Variants in RFX4 observed in about 807,000 individuals in gnomAD.
The protein encoded by RFX4 is transcription factor RFX4.
In RFX4, 10 loss-of-function variants were observed where a neutral mutation model predicts 95.0. The ratio of observed to expected loss-of-function variants is 0.11; its 90% CI spans 0.06 to 0.18. The LOEUF is 0.18. Among genes scored for constraint, RFX4 ranks in the 10% least tolerant of loss-of-function variants. The pLI, the probability that RFX4 is intolerant of heterozygous loss-of-function variation, is 1.00. For missense variants in RFX4, 640 were observed against 922.0 expected, an observed-to-expected ratio of 0.69 and a Z score of 3.96; for synonymous variants, 321 against 340.7, an observed-to-expected ratio of 0.94 and a Z score of 0.64.
chr12:106,641,429 ATGGGGT>A (rs958324005), intron 3 of RFX4, among the ~76,000 whole-genome samples: 1 of 152,182 alleles, frequency 6.6e-6, no homozygotes, highest in Admixed American at 6.5e-5. Flanking sequence ...AGCACCTGGC[ATGGGGT>A]GGGGCTCAGT....
chr12:106,611,802 T>C (rs960702724), intron 2 of RFX4, among the ~76,000 whole-genome samples: 2 of 152,168 alleles, frequency 1.3e-5, no homozygotes, highest in Non-Finnish European at 2.9e-5. Flanking sequence ...TGAGCCACTG[T>C]GCCTGCTGTA....
chr12:106,626,276 A>G (rs1377844113), intron 2 of RFX4, among the ~76,000 whole-genome samples: 1 of 152,212 alleles, frequency 6.6e-6, no homozygotes, highest in African/African-American at 2.4e-5. Context: ...GGGAGAGGTC[A>G]CAAGATTGAA....
rs1471326929 is a variant in RFX4 at position 106,586,709 on chromosome 12, C to T, written c.43+3346C>T. Among the ~76,000 whole-genome samples the T allele has an allele frequency of 6.6e-6, 1 of 152,186 alleles. No homozygotes were observed. The highest frequency in any genetic ancestry group is 6.5e-5 in the Admixed American group (1 of 15,290). On this transcript the variant is annotated intron_variant, in intron 1 of 17. Transcript: ENST00000392842. The surrounding 1 kb of genome is among the most constrained non-coding windows in gnomAD (Gnocchi z 5.6). ...GGCACGCTAGTTTACAGGCCCCCAG[C>T]TCAGCACAAATTCTTTCTAAAATTC... is the stretch of plus-strand genomic sequence containing the variant.
chr12:106,613,236 T>C (rs2039997789), intron 2 of RFX4, among the ~76,000 whole-genome samples: 1 of 144,350 alleles, frequency 6.9e-6, no homozygotes, highest in African/African-American at 2.6e-5. Context: ...CAATATAATG[T>C]ATTTATTGAT....
chr12:106,628,468 T>A (rs1468095011), intron 2 of RFX4, among the ~76,000 whole-genome samples: 1 of 152,208 alleles, frequency 6.6e-6, no homozygotes, highest in Non-Finnish European at 1.5e-5. Flanking sequence ...GCTTCCAGTT[T>A]TTGGCACTCC....
chr12:106,689,528 G>A (rs959477018), intron 7 of RFX4, among the ~76,000 whole-genome samples, 164 bp downstream of exon 7: 7 of 152,138 alleles, frequency 4.6e-5, no homozygotes, highest in Admixed American at 4.6e-4. Flanking sequence ...AAGCAGGTAC[G>A]ATTATTATCC....
At chr12:106,738,836 T>G (rs1362560062) in intron 15 of RFX4, among the ~76,000 whole-genome samples, 7 of 152,184 alleles carry the variant, frequency 4.6e-5, no homozygotes, top group Non-Finnish European at 1.0e-4. Context: ...CACAAACTAT[T>G]TACCCATGCT....
intron 5 of RFX4, among the ~76,000 whole-genome samples, chr12:106,686,082 T>C (rs1343493953): frequency 6.6e-6 from 1 of 152,222 alleles, no homozygotes; most frequent in Non-Finnish European, 1.5e-5. Context: ...TTTTTAAAAA[T>C]ACAGTTCTTT....
At chr12:106,628,828 C>T (rs544450258) in intron 2 of RFX4, among the ~76,000 whole-genome samples, 3 of 149,156 alleles carry the variant, frequency 2.0e-5, no homozygotes, top group Non-Finnish European at 3.0e-5. Flanking sequence ...GGTGCCATCT[C>T]GGCTCACTGC....
At chr12:106,726,013 G>A (rs2042488527) in intron 13 of RFX4, among the ~76,000 whole-genome samples, 1 of 152,138 alleles carries the variant, frequency 6.6e-6, no homozygotes, top group Non-Finnish European at 1.5e-5. Flanking sequence ...TTGGGAGGAT[G>A]AGGCGGGCAG....
intron 8 of RFX4, among the ~76,000 whole-genome samples, chr12:106,699,520 T>C (rs934298205): frequency 6.6e-6 from 1 of 152,314 alleles, no homozygotes; most frequent in Non-Finnish European, 1.5e-5. Flanking sequence ...CCAGCTCTAA[T>C]TGTGAATTTG....
intron 1 of RFX4, among the ~76,000 whole-genome samples, chr12:106,589,898 C>T (rs989183814): frequency 6.6e-6 from 1 of 152,200 alleles, no homozygotes; most frequent in East Asian, 1.9e-4. Context: ...ATTTGGGGCA[C>T]AGACAAATCT....
intron 4 of RFX4, 82 bp downstream of exon 4, chr12:106,654,433 A>AT (rs938582810): frequency 5.7e-5 from 84 of 1,475,444 alleles, no homozygotes; most frequent in South Asian, 4.0e-4. Flanking sequence ...CATTTTAGTT[A>AT]TTTTTTTTAA....
At chr12:106,606,501 G>A (rs1019676989) in intron 1 of RFX4, among the ~76,000 whole-genome samples, 1 of 152,182 alleles carries the variant, frequency 6.6e-6, no homozygotes, top group Non-Finnish European at 1.5e-5. Context: ...AAGAACTCTG[G>A]AGATGTGTAA....
rs1035711602 is a variant in RFX4, at chr12:106,675,975, G to T, written c.316-6018G>T. 2.0e-5 allele frequency among the ~76,000 whole-genome samples: 3 copies of T among 152,308 alleles called. No homozygotes were observed. The East Asian group carries it at 5.8e-4, about 29-fold the overall frequency. ...TGTCTAGAGGCTTCATGGAAAAGTG[G>T]TCGTGATGGGGCATGACGGGAAGCA... On this transcript the variant is annotated intron_variant, in intron 4 of 17. Coordinates refer to ENST00000392842, the MANE Select transcript of RFX4 (RefSeq NM_213594.3).
At chr12:106,663,714 C>G (rs1328119428) in intron 4 of RFX4, among the ~76,000 whole-genome samples, 1 of 150,104 alleles carries the variant, frequency 6.7e-6, no homozygotes, top group East Asian at 2.0e-4. Flanking sequence ...TATTCTTTAT[C>G]AAATTGAAGA....
intron 8 of RFX4, among the ~76,000 whole-genome samples, chr12:106,703,347 G>A: frequency 6.6e-6 from 1 of 152,174 alleles, no homozygotes; most frequent in East Asian, 1.9e-4. Flanking sequence ...GGTTAACAAA[G>A]GTTACCTCCA....
Position 106,583,591 on chromosome 12 carries a change from C to T in RFX4, c.43+228C>T, listed in dbSNP as rs1002177110. 22 of 390,720 alleles carry T rather than the reference C, an allele frequency of 5.6e-5. No homozygotes were observed. The Admixed American group carries it at 7.7e-4, about 14-fold the overall frequency. 24.2% of individuals were successfully genotyped at this position (390,720 alleles called of 1,614,324 possible). On this transcript the variant is annotated intron_variant, in intron 1 of 17. Coordinates refer to ENST00000392842, the MANE Select transcript of RFX4 (RefSeq NM_213594.3). The stretch of plus-strand genomic sequence containing the variant: ...TTGTGTACGTGTGTGAGTGTGTGTG[C>T]GTGCGCGCGCGCGAAGGAGCGCGCT...
At chr12:106,644,579 T>G (rs1231759802) in intron 3 of RFX4, among the ~76,000 whole-genome samples, 1 of 152,212 alleles carries the variant, frequency 6.6e-6, no homozygotes, top group Non-Finnish European at 1.5e-5. Context: ...AATCTCATCT[T>G]TGCCATTACA....
Sources: allele counts gnomAD v4.1 joint callset (sites outside exome capture counted in the v4.1 genomes callset), GRCh38; gene constraint gnomAD v4.1.1; non-coding constraint Gnocchi (gnomAD v3.1); transcripts MANE v1.5; gene names NCBI Gene and HGNC (gene_info 2026-07-23, HGNC 2026-07-21).